UNKL: variants seen among roughly 807,000 people sequenced by gnomAD.
UNKL encodes putative E3 ubiquitin-protein ligase UNKL.
In UNKL, 60 loss-of-function variants were observed where a neutral mutation model predicts 78.0. The ratio of observed to expected loss-of-function variants is 0.77; its 90% CI spans 0.63 to 0.95. The LOEUF is 0.95. Among genes scored for constraint, UNKL ranks in the 40% least tolerant of loss-of-function variants. The pLI is 0.00. For synonymous variants in UNKL, 608 were observed against 474.8 expected, an observed-to-expected ratio of 1.28 and a Z score of -3.65; for missense variants, 1,159 against 1,045.7, an observed-to-expected ratio of 1.11 and a Z score of -1.49.
chr16:1,382,678 T>C (rs2036645331), intron 10 of UNKL, among the ~76,000 whole-genome samples: 1 of 152,064 alleles, frequency 6.6e-6, no homozygotes. Context: ...AAAATGCAGG[T>C]CGGGCACAAT....
At chr16:1,372,172 A>G (rs1423916083) in intron 10 of UNKL, among the ~76,000 whole-genome samples, 2 of 151,928 alleles carry the variant, frequency 1.3e-5, no homozygotes, top group Non-Finnish European at 2.9e-5. Context: ...GCTGAGGCGG[A>G]AGAATGGTGT....
At chr16:1,401,527 G>GCCCCCCCCCCCCCCCC in intron 4 of UNKL, 41 bp downstream of exon 4, 12 of 1,404,758 alleles carry the variant, frequency 8.5e-6, no homozygotes, top group South Asian at 4.3e-5. Flanking sequence ...CGCTGTGCCC[G>GCCCCCCCCCCCCCCCC]CCCCCCCCAC....
chr16:1,397,449 ACGCTGGGG>A (rs1186231449), intron 5 of UNKL, among the ~76,000 whole-genome samples, 154 bp from the exon 6 acceptor site: 5 of 107,280 alleles, frequency 4.7e-5, no homozygotes, highest in Non-Finnish European at 7.8e-5. Flanking sequence ...CCCGTGCTTC[ACGCTGGGG>A]CAGGGCGTGG....
intron 14 of UNKL, among the ~76,000 whole-genome samples, chr16:1,366,628 C>T (rs1011604345): frequency 1.9e-4 from 29 of 152,150 alleles, no homozygotes; most frequent in African/African-American, 6.3e-4. Flanking sequence ...CTCCTGGGGC[C>T]ACCACAGACA....
rs1365133065 is a variant in UNKL, at chr16:1,403,686, C to T, written c.288-342G>A. Among the ~76,000 whole-genome samples, 4 of 152,204 alleles carry T rather than the reference C, an allele frequency of 2.6e-5. No individual in the cohort carries two copies. The highest frequency in any genetic ancestry group is 4.4e-5 in the Non-Finnish European group (3 of 68,032). Reference sequence around the variant, plus strand: ...CTAATGTTCCAAATAAACCTTTAAACCTGTGTGGGAATGAGAGTTCATGCC... The same window carrying T: ...CTAATGTTCCAAATAAACCTTTAAATCTGTGTGGGAATGAGAGTTCATGCC... On this transcript the variant is annotated intron_variant, in intron 2 of 14. Transcript: ENST00000389221. This position sits in a 1 kb window ranked among gnomAD's most constrained non-coding sequence, Gnocchi z 4.8.
intron 10 of UNKL, among the ~76,000 whole-genome samples, chr16:1,374,295 G>A (rs2036046446): frequency 6.6e-6 from 1 of 152,210 alleles, no homozygotes; most frequent in Non-Finnish European, 1.5e-5. Context: ...CTCCTGGGGG[G>A]CCCTGCCCTG....
Position 1,371,622 on chromosome 16 carries a change from A to C in UNKL, c.1265-11T>G. ...GGTCTAACGCAGAACCTGTCAACAG[A>C]GCCCCCCATCATCCACAGCCCACCC... On this transcript the variant is annotated splice_polypyrimidine_tract_variant and intron_variant, in intron 10 of 14. Transcript: ENST00000389221. 7.2e-6 allele frequency: 11 copies of C among 1,535,882 alleles called. No individual in the cohort carries two copies. Among genetic ancestry groups the C allele is most frequent in the Non-Finnish European group, 9.6e-6 (11 of 1,146,730 alleles).
At chr16:1,390,934 G>A (rs2037020730) in intron 8 of UNKL, among the ~76,000 whole-genome samples, 1 of 152,156 alleles carries the variant, frequency 6.6e-6, no homozygotes, top group Non-Finnish European at 1.5e-5. Context: ...AGAGGCTGAG[G>A]CAAGAAAATC....
At chr16:1,409,803 G>C (rs571151954) in intron 2 of UNKL, among the ~76,000 whole-genome samples, 1 of 152,078 alleles carries the variant, frequency 6.6e-6, no homozygotes, top group African/African-American at 2.4e-5. Context: ...TTATGAGGCC[G>C]GGCGCGGTGG....
chr16:1,370,510 CTA>C (rs751796468), intron 11 of UNKL, among the ~76,000 whole-genome samples, 153 bp from the exon 12 acceptor site: 1 of 152,184 alleles, frequency 6.6e-6, no homozygotes, highest in East Asian at 1.9e-4. Flanking sequence ...CCACCACCAT[CTA>C]TGTGTTTGGA....
chr16:1,392,884 C>G lies in UNKL; in HGVS notation c.1023+7G>C. Reference sequence around the variant, plus strand: ...TGGGCATTGTCCTGGGAAGGCCGTTCACTTACATTTCCCGGCTGGCCGCTG... The same window carrying G: ...TGGGCATTGTCCTGGGAAGGCCGTTGACTTACATTTCCCGGCTGGCCGCTG... On this transcript the variant is annotated splice_region_variant and intron_variant, in intron 8 of 14. Transcript: ENST00000389221. The G allele has an allele frequency of 6.4e-7, 1 of 1,550,606 alleles. No individual in the cohort carries two copies. Among genetic ancestry groups the G allele is most frequent in the Non-Finnish European group, 8.7e-7 (1 of 1,147,014 alleles).
rs369714971 is a variant in UNKL, at chr16:1,383,784, C to T, written c.1264+1424G>A. ...TCCTGATGGTGCTGGGGTCCCACTCCAAGTCCCCAGAGTGTGTCCAGGCAG... is the reference window on the plus strand; with the variant it reads ...TCCTGATGGTGCTGGGGTCCCACTCTAAGTCCCCAGAGTGTGTCCAGGCAG... On this transcript the variant is annotated intron_variant, in intron 10 of 14. Coordinates refer to ENST00000389221, the MANE Select transcript of UNKL (RefSeq NM_001372107.1). 44 of 438,470 alleles carry T rather than the reference C, an allele frequency of 1.0e-4. 1 individual carries two copies. The highest frequency in any genetic ancestry group is 5.0e-4 in the African/African-American group (25 of 49,904). The allele number at this position is 438,470 out of a possible 1,614,324, so 27.2% of individuals were successfully genotyped here.
Position 1,368,215 on chromosome 16 carries a change from A to C in UNKL, c.1586-357T>G, listed in dbSNP as rs1048537532. The C allele has an allele frequency of 1.5e-5, 5 of 335,494 alleles. No homozygotes were observed. The Admixed American group carries it at 2.3e-4, about 15-fold the overall frequency. 20.8% of individuals were successfully genotyped at this position (335,494 alleles called of 1,614,324 possible). Reference sequence around the variant, plus strand: ...ACTCCCAGGAACCCCTCACACACTGAGACTCTCAAAGACCCCACAGAGCTG... The same window carrying C: ...ACTCCCAGGAACCCCTCACACACTGCGACTCTCAAAGACCCCACAGAGCTG... On this transcript the variant is annotated intron_variant, in intron 12 of 14. Transcript: ENST00000389221.
At chr16:1,391,732 G>A (rs1208074077) in intron 8 of UNKL, among the ~76,000 whole-genome samples, 1 of 152,028 alleles carries the variant, frequency 6.6e-6, no homozygotes, top group Non-Finnish European at 1.5e-5. Context: ...CTGTCATCCA[G>A]GCTGGAGTGC....
At chr16:1,414,176 C>A (rs2038174892) in intron 1 of UNKL, 121 bp from the exon 2 acceptor site, 1 of 982,782 alleles carries the variant, frequency 1.0e-6, no homozygotes, top group Admixed American at 2.9e-5. Flanking sequence ...TACTCACATT[C>A]CCGGCGGGCC....
chr16:1,363,248 C>A lies in UNKL; in HGVS notation c.*2992G>T, dbSNP rs947674268. On this transcript the variant is annotated 3_prime_UTR_variant, in exon 15 of 15. Transcript: ENST00000389221. The stretch of plus-strand genomic sequence containing the variant: ...TTAATTCCCATACTGATAAAAATAA[C>A]TCCATGAATTCTGTAAACCATTGCA... 2 of 698,808 alleles carry A rather than the reference C, an allele frequency of 2.9e-6. No individual in the cohort carries two copies. The highest frequency in any genetic ancestry group is 5.1e-6 in the Non-Finnish European group (2 of 395,406). 43.3% of individuals were successfully genotyped at this position (698,808 alleles called of 1,614,324 possible). A position where few individuals can be genotyped will look rare whatever the true frequency, so the allele number is the denominator to read the frequency against.
At position 1,363,234 on chromosome 16, in the gene UNKL, A is replaced by G. The variant is rs752191785; in HGVS notation, c.*3006T>C. Reference sequence around the variant, plus strand: ...ATTCAAGGTTTTAATTAATTCCCATACTGATAAAAATAACTCCATGAATTC... The same window carrying G: ...ATTCAAGGTTTTAATTAATTCCCATGCTGATAAAAATAACTCCATGAATTC... On this transcript the variant is annotated 3_prime_UTR_variant, in exon 15 of 15. Transcript: ENST00000389221. 4.1e-6 allele frequency: 3 copies of G among 724,322 alleles called. No homozygotes were observed. The highest frequency in any genetic ancestry group is 7.3e-6 in the Non-Finnish European group (3 of 413,580). 44.9% of individuals were successfully genotyped at this position (724,322 alleles called of 1,614,324 possible).
intron 7 of UNKL, 58 bp from the exon 8 acceptor site, chr16:1,393,034 C>G (rs1016397766): frequency 8.6e-6 from 13 of 1,511,018 alleles, no homozygotes; most frequent in Non-Finnish European, 1.2e-5. Context: ...CAGTGACACG[C>G]AGAAGTCTCC....
chr16:1,398,771 A>C, intron 5 of UNKL: 3 of 1,441,184 alleles, frequency 2.1e-6, no homozygotes, highest in East Asian at 3.1e-5. Context: ...CAAGGAGGAG[A>C]AAGGGGCTTC....
Sources: allele counts gnomAD v4.1 joint callset (sites outside exome capture counted in the v4.1 genomes callset), GRCh38; gene constraint gnomAD v4.1.1; non-coding constraint Gnocchi (gnomAD v3.1); transcripts MANE v1.5; gene names NCBI Gene and HGNC (gene_info 2026-07-23, HGNC 2026-07-21).